IPO7: variants seen among roughly 807,000 people sequenced by gnomAD.
IPO7 encodes importin-7.
IPO7 carries 13 observed loss-of-function variants against 136.4 expected under a neutral mutation model. That is an observed-to-expected ratio of 0.10 (90% CI 0.06 to 0.15). The LOEUF (loss-of-function observed/expected upper bound fraction) is 0.15. IPO7 is among the 10% of genes least tolerant of loss of function. The pLI, the probability that IPO7 is intolerant of heterozygous loss-of-function variation, is 1.00. For missense variants in IPO7, 857 were observed against 1,240.6 expected (o/e 0.69, Z 4.65); for synonymous variants, 403 against 404.4 (o/e 1.00, Z 0.04).
At chr11:9,445,074 C>T (rs780713176) in intron 24 of IPO7, 23 bp from the exon 25 acceptor site, 4 of 1,500,538 alleles carry the variant, frequency 2.7e-6, no homozygotes, top group South Asian at 2.3e-5. Flanking sequence ...GAATGCCCTA[C>T]TAAAATTTTA....
chr11:9,388,426 C>T (rs1428559098), intron 1 of IPO7, among the ~76,000 whole-genome samples: 3 of 151,748 alleles, frequency 2.0e-5, no homozygotes, highest in Admixed American at 6.6e-5. Context: ...CCGCCCACCT[C>T]GGCCTCCCAA....
intron 1 of IPO7, among the ~76,000 whole-genome samples, chr11:9,396,635 T>A (rs1854713288): frequency 6.6e-6 from 1 of 152,228 alleles, no homozygotes; most frequent in African/African-American, 2.4e-5. Flanking sequence ...CTATGTAGAT[T>A]TGTGTATTCC....
At chr11:9,418,634 C>T (rs1480118277) in intron 6 of IPO7, among the ~76,000 whole-genome samples, 6 of 152,158 alleles carry the variant, frequency 3.9e-5, no homozygotes, top group African/African-American at 1.4e-4. Context: ...TTTTTCTTTG[C>T]ACATTTAATA....
intron 1 of IPO7, among the ~76,000 whole-genome samples, chr11:9,397,365 T>TATATATATATATATATATATATATA (rs1564992067): frequency 1.5e-4 from 14 of 94,742 alleles, no homozygotes; most frequent in Admixed American, 4.0e-4. Context: ...TATATATATA[T>TATATATATATATATATATATATATA]TAGTCGGGCA....
chr11:9,419,475 G>A (rs1236947426), intron 6 of IPO7, among the ~76,000 whole-genome samples: 1 of 150,452 alleles, frequency 6.6e-6, no homozygotes, highest in Non-Finnish European at 1.5e-5. Context: ...TTGAACCAGG[G>A]AGGCAGAGGT....
At chr11:9,438,515 C>T (rs1245033945) in intron 22 of IPO7, among the ~76,000 whole-genome samples, 1 of 151,972 alleles carries the variant, frequency 6.6e-6, no homozygotes, top group Non-Finnish European at 1.5e-5. Context: ...GTCCCAGCTA[C>T]TTGGGAGGCT....
chr11:9,405,404 G>A (rs1022056656), intron 2 of IPO7, among the ~76,000 whole-genome samples: 1 of 152,114 alleles, frequency 6.6e-6, no homozygotes, highest in African/African-American at 2.4e-5. Flanking sequence ...TCCATCTCCT[G>A]ACCTCGTGAT....
intron 11 of IPO7, 27 bp from the exon 12 acceptor site, chr11:9,425,119 T>G (rs1275997149): frequency 6.9e-7 from 1 of 1,445,776 alleles, no homozygotes; most frequent in South Asian, 1.1e-5. Flanking sequence ...GCCTATTCAG[T>G]AACAATACTT....
chr11:9,398,106 AT>A (rs1854741293), intron 1 of IPO7, among the ~76,000 whole-genome samples: 1 of 152,208 alleles, frequency 6.6e-6, no homozygotes, highest in Admixed American at 6.5e-5. Flanking sequence ...CTTTGGGCTC[AT>A]CTGTCTGTCC....
chr11:9,395,345 G>A (rs1337048568), intron 1 of IPO7, among the ~76,000 whole-genome samples: 1 of 152,102 alleles, frequency 6.6e-6, no homozygotes, highest in Non-Finnish European at 1.5e-5. Flanking sequence ...CCAGGTTCAA[G>A]CCATTCTCCA....
Position 9,440,671 on chromosome 11 carries a change from C to T in IPO7, c.2902+10C>T. On this transcript the variant is annotated intron_variant, in intron 23 of 24. Coordinates refer to ENST00000379719, the MANE Select transcript of IPO7 (RefSeq NM_006391.3). Reference sequence around the variant, plus strand: ...AAAGCTATCTTTCAAAGTAAGTCAACTTGTTACATGTGGATCCATTTCATT... The same window carrying T: ...AAAGCTATCTTTCAAAGTAAGTCAATTTGTTACATGTGGATCCATTTCATT... 3.8e-6 allele frequency: 6 copies of T among 1,569,440 alleles called. No individual in the cohort carries two copies. The highest frequency in any genetic ancestry group is 2.2e-5 in the South Asian group (2 of 90,146).
intron 16 of IPO7, chr11:9,433,215 A>T (rs1855324725): frequency 4.8e-6 from 1 of 206,324 alleles, no homozygotes; most frequent in Non-Finnish European, 9.9e-6. Context: ...CAAACTCCTG[A>T]CCTCAGGTGA....
Position 9,445,341 on chromosome 11 carries a change from G to A in IPO7, c.*147G>A. On this transcript the variant is annotated 3_prime_UTR_variant, in exon 25 of 25. Coordinates refer to ENST00000379719, the MANE Select transcript of IPO7 (RefSeq NM_006391.3). ...ACAACAACCCCAGGAGATGGGACCT[G>A]ATCATGCAACCTGGCACTGGAAAAG... 4.7e-6 allele frequency: 1 copy of A among 213,846 alleles called. No homozygotes were observed. Among genetic ancestry groups the A allele is most frequent in the East Asian group, 1.1e-4 (1 of 9,036 alleles). The allele number at this position is 213,846 out of a possible 1,614,324, so 13.2% of individuals were successfully genotyped here. A position where few individuals can be genotyped will look rare whatever the true frequency, so the allele number is the denominator to read the frequency against.
In IPO7 at chr11:9,440,610, G is replaced by A; in HGVS notation, c.2851G>A (p.Asp951Asn). 1.2e-6 allele frequency: 2 copies of A among 1,613,902 alleles called. No individual in the cohort carries two copies. Among genetic ancestry groups the A allele is most frequent in the South Asian group, 1.1e-5 (1 of 91,064 alleles). ...GGAAGGCTATTCCACAATCATTGATGATGAAGATAACCCTGTTGATGAGTA... is the reference window on the plus strand; with the variant it reads ...GGAAGGCTATTCCACAATCATTGATAATGAAGATAACCCTGTTGATGAGTA... ...ALEGYSTIID[D>N]EDNPVDEYQI... The change falls in exon 23 of 25, where the codon GAT (aspartate) becomes AAT (asparagine). Residue 951 changes from aspartate (D) to asparagine (N), a missense_variant. Transcript: ENST00000379719.
At chr11:9,402,229 G>A (rs765294592) in intron 1 of IPO7, among the ~76,000 whole-genome samples, 15 of 151,136 alleles carry the variant, frequency 9.9e-5, no homozygotes, top group Non-Finnish European at 1.6e-4. Context: ...GTGAAACCCC[G>A]TCTCTATTAA....
Position 9,421,469 on chromosome 11 carries a change from A to C in IPO7, c.906+771A>C, listed in dbSNP as rs1237441703. The stretch of plus-strand genomic sequence containing the variant: ...ATGGTGAAACCCCGTCTCTACTAAA[A>C]ATACAAAAATTAGCTGGGCGTGGTG... On this transcript the variant is annotated intron_variant, in intron 8 of 24. Transcript: ENST00000379719. Among the ~76,000 whole-genome samples, 7 of 148,910 alleles carry C rather than the reference A, an allele frequency of 4.7e-5. No individual in the cohort carries two copies. In the South Asian group the frequency reaches 1.3e-3, roughly 27 times the overall value.
At chr11:9,387,275 A>G (rs1854564312) in intron 1 of IPO7, among the ~76,000 whole-genome samples, 1 of 152,238 alleles carries the variant, frequency 6.6e-6, no homozygotes, top group East Asian at 1.9e-4. Context: ...ACTCAATGTA[A>G]AATTTGTAAA....
At chr11:9,440,327 C>A in intron 22 of IPO7, 128 bp from the exon 23 acceptor site, 2 of 749,708 alleles carry the variant, frequency 2.7e-6, no homozygotes, top group South Asian at 1.7e-5. Context: ...TATTTAAACA[C>A]CAATTCCTGG....
rs556404098 is a variant in IPO7 at position 9,425,372 on chromosome 11, T to C, written c.1335+110T>C. On this transcript the variant is annotated intron_variant, in intron 12 of 24. Transcript: ENST00000379719. ...TATAATCCCAGCACTTTCGGGATGC[T>C]GAGGCAGGCAGATTGCCTGAGCCCA... 6.4e-5 allele frequency: 45 copies of C among 701,508 alleles called. No homozygotes were observed. The African/African-American group carries it at 7.4e-4, about 12-fold the overall frequency. 43.5% of individuals were successfully genotyped at this position (701,508 alleles called of 1,614,324 possible).
Sources: allele counts gnomAD v4.1 joint callset (sites outside exome capture counted in the v4.1 genomes callset), GRCh38; gene constraint gnomAD v4.1.1; transcripts MANE v1.5; gene names NCBI Gene and HGNC (gene_info 2026-07-23, HGNC 2026-07-21).